The following NFIA variants were observed in gnomAD, a reference collection of about 807,000 sequenced individuals.
NFIA encodes the protein nuclear factor 1 A-type.
Under a neutral mutation model 62.8 loss-of-function variants are expected in NFIA, and 8 were observed. The observed-to-expected ratio is 0.13, with a 90% CI of 0.07 to 0.23. The LOEUF (loss-of-function observed/expected upper bound fraction) is 0.23. Among genes scored for constraint, NFIA ranks in the 10% least tolerant of loss-of-function variants. NFIA has a pLI of 1.00. For synonymous variants in NFIA, 235 were observed against 238.1 expected (o/e 0.99, Z 0.12); for missense variants, 410 against 642.1 (o/e 0.64, Z 3.91).
chr1:61,277,421 C>T, intron 2 of NFIA, 99 bp from the exon 3 acceptor site: 2 of 1,013,812 alleles, frequency 2.0e-6, no homozygotes, highest in Non-Finnish European at 3.0e-6. Context: ...TGTTCCCTTT[C>T]TTAGTTTATA....
At chr1:61,355,647 C>T (rs747288211) in intron 5 of NFIA, among the ~76,000 whole-genome samples, 1 of 151,972 alleles carries the variant, frequency 6.6e-6, no homozygotes, top group African/African-American at 2.4e-5. Flanking sequence ...GTGCAGTGAT[C>T]ATAATTCACT....
chr1:61,416,235 A>G (rs1666342225), intron 9 of NFIA, among the ~76,000 whole-genome samples: 1 of 152,174 alleles, frequency 6.6e-6, no homozygotes, highest in South Asian at 2.1e-4. Context: ...CTCCTTTTAT[A>G]TCAAATATTA....
chr1:61,161,730 C>G (rs1483924629), intron 2 of NFIA, among the ~76,000 whole-genome samples: 2 of 152,020 alleles, frequency 1.3e-5, no homozygotes, highest in African/African-American at 2.4e-5. Context: ...TATCCGTATA[C>G]ATTTACATTT....
At chr1:61,083,205 G>GT (rs1646149205) in intron 1 of NFIA, among the ~76,000 whole-genome samples, 1 of 152,032 alleles carries the variant, frequency 6.6e-6, no homozygotes, top group South Asian at 2.1e-4. Flanking sequence ...CTGGCTCAGC[G>GT]TTTCTGCTGC....
intron 4 of NFIA, among the ~76,000 whole-genome samples, chr1:61,334,837 A>G (rs1457735255): frequency 2.0e-5 from 3 of 151,840 alleles, no homozygotes; most frequent in Admixed American, 6.6e-5. Context: ...CCCACACAGT[A>G]CAGAATCACC....
chr1:61,157,371 A>G (rs1359437157), intron 2 of NFIA, among the ~76,000 whole-genome samples: 2 of 152,136 alleles, frequency 1.3e-5, no homozygotes, highest in Non-Finnish European at 2.9e-5. Flanking sequence ...GATGTTTACA[A>G]CAGTTCAACA....
intron 4 of NFIA, among the ~76,000 whole-genome samples, chr1:61,347,196 T>TG (rs1326460925): frequency 1.4e-4 from 14 of 103,682 alleles, no homozygotes; most frequent in Admixed American, 5.4e-4. Flanking sequence ...TTTTTTGAGA[T>TG]GGAGTCTTGC....
chr1:61,129,358 T>G (rs1309392416), intron 2 of NFIA, among the ~76,000 whole-genome samples: 1 of 152,044 alleles, frequency 6.6e-6, no homozygotes, highest in Non-Finnish European at 1.5e-5. Context: ...TCATCTCACA[T>G]AAATCCACAC....
chr1:61,429,581 A>G (rs940234512), intron 10 of NFIA, among the ~76,000 whole-genome samples: 1 of 152,204 alleles, frequency 6.6e-6, no homozygotes, highest in Non-Finnish European at 1.5e-5. Flanking sequence ...ACCCCCAAAA[A>G]TGGCAAGCAA....
chr1:61,285,677 AG>A (rs529286921), intron 3 of NFIA, among the ~76,000 whole-genome samples: 91 of 152,228 alleles, frequency 6.0e-4, no homozygotes, highest in Admixed American at 9.2e-4. Flanking sequence ...GGTGGAGGGT[AG>A]GGGGCACTAT....
intron 7 of NFIA, among the ~76,000 whole-genome samples, chr1:61,396,895 G>A (rs537487353): frequency 4.6e-5 from 7 of 152,118 alleles, no homozygotes; most frequent in South Asian, 2.1e-4. Context: ...CCAGCTACTC[G>A]GGAGGCTAAG....
intron 3 of NFIA, among the ~76,000 whole-genome samples, chr1:61,306,348 C>T (rs935733744): frequency 7.2e-6 from 1 of 138,406 alleles, no homozygotes; most frequent in Admixed American, 8.2e-5. Context: ...GCCATCTCTG[C>T]TCACGCAACC....
intron 9 of NFIA, among the ~76,000 whole-genome samples, chr1:61,421,194 C>T (rs1187476506): frequency 2.6e-5 from 4 of 152,150 alleles, no homozygotes; most frequent in Admixed American, 2.6e-4. Flanking sequence ...ATTTATATTA[C>T]TTTTTAGGCA....
intron 4 of NFIA, among the ~76,000 whole-genome samples, chr1:61,346,756 A>T (rs1272498164): frequency 6.6e-6 from 1 of 152,158 alleles, no homozygotes; most frequent in Non-Finnish European, 1.5e-5. Flanking sequence ...GTCCGTTCTC[A>T]TGCTGCTATG....
chr1:61,386,669 C>T (rs1405841994), intron 7 of NFIA, among the ~76,000 whole-genome samples: 1 of 152,186 alleles, frequency 6.6e-6, no homozygotes, highest in African/African-American at 2.4e-5. Context: ...ACATAAGCTA[C>T]ATTTGGAAAT....
At chr1:61,282,866 A>T (rs1381071939) in intron 3 of NFIA, among the ~76,000 whole-genome samples, 1 of 152,170 alleles carries the variant, frequency 6.6e-6, no homozygotes, top group Non-Finnish European at 1.5e-5. Flanking sequence ...AGAAATCAGA[A>T]TTGGTATTTA....
chr1:61,401,587 C>T (rs1227107870), intron 7 of NFIA, among the ~76,000 whole-genome samples: 2 of 152,070 alleles, frequency 1.3e-5, no homozygotes, highest in African/African-American at 2.4e-5. Context: ...TGTAGGCCAC[C>T]GTGATTTCAT....
intron 3 of NFIA, among the ~76,000 whole-genome samples, chr1:61,325,699 A>G (rs1194061392): frequency 6.6e-6 from 1 of 152,056 alleles, no homozygotes; most frequent in Admixed American, 6.6e-5. Flanking sequence ...CAGGCGGATC[A>G]TGAGGTCAGG....
intron 2 of NFIA, among the ~76,000 whole-genome samples, chr1:61,176,802 C>A (rs555435887): frequency 3.8e-4 from 58 of 151,986 alleles, no homozygotes; most frequent in Non-Finnish European, 7.5e-4. Flanking sequence ...TTAAAAAATT[C>A]ATTTATTCAA....
Sources: allele counts gnomAD v4.1 joint callset (sites outside exome capture counted in the v4.1 genomes callset), GRCh38; gene constraint gnomAD v4.1.1; transcripts MANE v1.5; gene names NCBI Gene and HGNC (gene_info 2026-07-23, HGNC 2026-07-21).